PTCHD4: variants seen among roughly 807,000 people sequenced by gnomAD.
PTCHD4 encodes the protein patched domain-containing protein 4.
Under a neutral mutation model 58.1 loss-of-function variants are expected in PTCHD4, and 33 were observed. The ratio of observed to expected loss-of-function variants is 0.57; its 90% confidence interval spans 0.43 to 0.76. The LOEUF is 0.76. Among genes scored for constraint, PTCHD4 ranks in the 30% least tolerant of loss-of-function variants. The pLI, the probability that PTCHD4 is intolerant of heterozygous loss-of-function variation, is 0.00. For synonymous variants in PTCHD4, 478 were observed against 409.6 expected (o/e 1.17, Z -2.02); for missense variants, 1,058 against 1,027.1 (o/e 1.03, Z -0.41).
At chr6:48,086,381 C>A (rs1434706504) in intron 1 of PTCHD4, among the ~76,000 whole-genome samples, 1 of 151,990 alleles carries the variant, frequency 6.6e-6, no homozygotes, top group Non-Finnish European at 1.5e-5. Flanking sequence ...AGGCAGCAGT[C>A]TGAATCTGGC....
In PTCHD4 at chr6:47,873,033, G is replaced by A. The variant is rs181473875; in HGVS notation, c.*5270C>T. Among the ~76,000 whole-genome samples the A allele has an allele frequency of 5.9e-5, 9 of 151,640 alleles. No homozygotes were observed. The East Asian group carries it at 1.6e-3, about 26-fold the overall frequency. On this transcript the variant is annotated 3_prime_UTR_variant, in exon 5 of 5. Transcript: ENST00000339488. ...TCTGGGAATGAATGATGCTTATGTC[G>A]GTGCTTACTTTAAGCTTCTTTACAA...
At chr6:48,015,260 G>A (rs541288031) in intron 3 of PTCHD4, among the ~76,000 whole-genome samples, 1 of 152,002 alleles carries the variant, frequency 6.6e-6, no homozygotes, top group Non-Finnish European at 1.5e-5. Flanking sequence ...GTACACTGTT[G>A]TTCTTCAATC....
intron 3 of PTCHD4, among the ~76,000 whole-genome samples, chr6:48,014,921 C>A (rs1257431822): frequency 6.6e-6 from 1 of 152,098 alleles, no homozygotes; most frequent in Admixed American, 6.6e-5. Flanking sequence ...GCCAGTTTGG[C>A]TCCCATGAAA....
At chr6:47,961,755 T>C (rs998393151) in intron 4 of PTCHD4, among the ~76,000 whole-genome samples, 4 of 152,160 alleles carry the variant, frequency 2.6e-5, no homozygotes, top group African/African-American at 9.7e-5. Flanking sequence ...CCAAAATGTG[T>C]GCCACTAAAA....
intron 4 of PTCHD4, among the ~76,000 whole-genome samples, chr6:47,940,279 A>G (rs1178193831): frequency 6.6e-6 from 1 of 151,356 alleles, no homozygotes; most frequent in Non-Finnish European, 1.5e-5. Flanking sequence ...TTGAGTTTAA[A>G]TTATCTAGAT....
intron 4 of PTCHD4, among the ~76,000 whole-genome samples, chr6:47,995,007 A>G (rs969670792): frequency 1.1e-4 from 17 of 152,236 alleles, no homozygotes; most frequent in Non-Finnish European, 1.5e-5. Context: ...TCAAACAGTT[A>G]GAAATCATAA....
In PTCHD4 at chr6:48,107,006, G is replaced by A. The variant is rs1376987754; in HGVS notation, c.-970+4043C>T. Among the ~76,000 whole-genome samples, 12 of 152,238 alleles carry A rather than the reference G, an allele frequency of 7.9e-5. No individual in the cohort carries two copies. In the Middle Eastern group the frequency reaches 0.02, roughly 259 times the overall value. On this transcript the variant is annotated intron_variant, in intron 1 of 4. Coordinates refer to ENST00000339488, the MANE Select transcript of PTCHD4 (RefSeq NM_001384253.1). ...CTCGTGGGTAGGAAGAATCAATATC[G>A]TGAAAATAGCCATACTGCCCAAGGT... is the stretch of plus-strand genomic sequence containing the variant.
intron 4 of PTCHD4, among the ~76,000 whole-genome samples, chr6:47,976,465 C>A (rs1272646765): frequency 6.6e-6 from 1 of 151,966 alleles, no homozygotes; most frequent in African/African-American, 2.4e-5. Context: ...CCAGCCTGGT[C>A]AACACGGTGA....
chr6:47,882,388 C>T (rs555330326), intron 4 of PTCHD4, among the ~76,000 whole-genome samples: 9 of 152,014 alleles, frequency 5.9e-5, no homozygotes, highest in East Asian at 3.9e-4. Context: ...TAAATGTGGT[C>T]GAGACTGAAA....
chr6:48,016,686 G>A (rs1336649604), intron 3 of PTCHD4, among the ~76,000 whole-genome samples: 1 of 151,920 alleles, frequency 6.6e-6, no homozygotes, highest in African/African-American at 2.4e-5. Context: ...TTACTGTTCT[G>A]TAGCTTTAAA....
intron 3 of PTCHD4, among the ~76,000 whole-genome samples, chr6:48,060,045 G>C (rs1764564134): frequency 6.6e-6 from 1 of 152,202 alleles, no homozygotes; most frequent in South Asian, 2.1e-4. Flanking sequence ...TTGTGTGTGT[G>C]TGTGCTTTCT....
intron 4 of PTCHD4, among the ~76,000 whole-genome samples, chr6:48,001,043 T>C (rs1196701062): frequency 6.6e-6 from 1 of 152,050 alleles, no homozygotes; most frequent in Non-Finnish European, 1.5e-5. Flanking sequence ...GAATCCAACT[T>C]ACAAGGGATG....
intron 4 of PTCHD4, among the ~76,000 whole-genome samples, chr6:47,981,010 G>A (rs549533385): frequency 6.6e-6 from 1 of 152,126 alleles, no homozygotes; most frequent in Non-Finnish European, 1.5e-5. Context: ...TTGCAAAGGA[G>A]TTTCTTTTTC....
At chr6:47,988,367 T>C (rs948846829) in intron 4 of PTCHD4, among the ~76,000 whole-genome samples, 5 of 152,196 alleles carry the variant, frequency 3.3e-5, no homozygotes, top group Admixed American at 2.6e-4. Context: ...CACATACTTA[T>C]AGATAACCAG....
At chr6:47,899,634 A>G in intron 4 of PTCHD4, 1 of 845,596 alleles carries the variant, frequency 1.2e-6, no homozygotes, top group Non-Finnish European at 1.4e-6. Flanking sequence ...CTTTATTGTG[A>G]TATAATGCCA....
chr6:48,020,780 C>A (rs1444475337), intron 3 of PTCHD4, among the ~76,000 whole-genome samples: 1 of 152,000 alleles, frequency 6.6e-6, no homozygotes, highest in Non-Finnish European at 1.5e-5. Flanking sequence ...ATACACATTA[C>A]AGCATGATCT....
At chr6:48,010,508 T>A (rs546666932) in intron 3 of PTCHD4, among the ~76,000 whole-genome samples, 55 of 152,060 alleles carry the variant, frequency 3.6e-4, no homozygotes, top group African/African-American at 1.1e-3. Context: ...TACTTGAGAG[T>A]GTGTTGCAAA....
intron 3 of PTCHD4, among the ~76,000 whole-genome samples, chr6:48,029,537 T>C (rs1182773819): frequency 1.3e-5 from 2 of 152,108 alleles, no homozygotes; most frequent in African/African-American, 4.8e-5. Context: ...AAATGTTAAA[T>C]TTTCTAGACT....
Position 47,879,926 on chromosome 6 carries a change from A to T in PTCHD4, c.909T>A (p.Thr303=), listed in dbSNP as rs1763971406. 1.9e-6 allele frequency: 3 copies of T among 1,543,806 alleles called. 1 individual carries two copies. The South Asian group carries it at 3.6e-5, about 19-fold the overall frequency. ...CGGACAGAAGCTCAAACACTCCTTT[A>T]GTTCCATGACCTAATGTTTTAAAAA... The part of the protein sequence containing the change: ...GIPFFAMGHG[T]KGVFELLSGW... The change falls in exon 5 of 5, where the codon ACT becomes ACA. Residue 303 remains threonine (T), a synonymous_variant. Transcript: ENST00000339488.
Sources: gnomAD v4.1 joint callset for allele counts (sites outside exome capture counted in the v4.1 genomes callset) on GRCh38, gnomAD v4.1.1 for gene constraint, MANE v1.5 for transcripts, NCBI Gene and HGNC (gene_info 2026-07-23, HGNC 2026-07-21) for gene names.